UNC5D: variants seen among roughly 807,000 people sequenced by gnomAD.
The protein encoded by UNC5D is netrin receptor UNC5D.
In UNC5D, 39 loss-of-function variants were observed where a neutral mutation model predicts 105.4. The ratio of observed to expected loss-of-function variants is 0.37; its 90% CI spans 0.29 to 0.48. The LOEUF (loss-of-function observed/expected upper bound fraction) is 0.48. UNC5D is among the 20% of genes least tolerant of loss of function. The pLI, the probability that UNC5D is intolerant of heterozygous loss-of-function variation, is 0.98. For missense variants in UNC5D, 991 were observed against 1,202.4 expected, an observed-to-expected ratio of 0.82 and a Z score of 2.60; for synonymous variants, 452 against 450.4, an observed-to-expected ratio of 1.00 and a Z score of -0.04.
rs1177478314 is a variant in UNC5D at position 35,722,497 on chromosome 8, G to T, written c.1303+102G>T. On this transcript the variant is annotated intron_variant, in intron 9 of 16. Coordinates refer to ENST00000404895, the MANE Select transcript of UNC5D (RefSeq NM_080872.4). ...GGGCCCTGTGTGAAGGTAGCTCTTGGCACTGGGAGCCGCTACCAAATTGTC... is the reference window on the plus strand; with the variant it reads ...GGGCCCTGTGTGAAGGTAGCTCTTGTCACTGGGAGCCGCTACCAAATTGTC... 3 of 1,417,630 alleles carry T rather than the reference G, an allele frequency of 2.1e-6. No individual in the cohort carries two copies. In the Admixed American group the frequency reaches 7.7e-5, roughly 37 times the overall value. The allele number at this position is 1,417,630 out of a possible 1,614,324, so 87.8% of individuals were successfully genotyped here.
chr8:35,539,751 AT>A (rs1439525882), intron 1 of UNC5D, among the ~76,000 whole-genome samples: 1 of 152,232 alleles, frequency 6.6e-6, no homozygotes, highest in African/African-American at 2.4e-5. Flanking sequence ...ATTTTGAGAT[AT>A]GCAGCTAAGT....
chr8:35,623,902 A>C (rs1821523882), intron 4 of UNC5D, among the ~76,000 whole-genome samples: 1 of 152,048 alleles, frequency 6.6e-6, no homozygotes, highest in South Asian at 2.1e-4. Context: ...AACACGGTGA[A>C]ACCCCGTCTC....
rs1810349168 is a variant in UNC5D at position 35,479,689 on chromosome 8, T to C, written c.104-69603T>C. ...CATTTTAAGTGAACTAATATAGGAA[T>C]AGAAAACAAAATACCATTTTTCCTC... On this transcript the variant is annotated intron_variant, in intron 1 of 16. Coordinates refer to ENST00000404895, the MANE Select transcript of UNC5D (RefSeq NM_080872.4). 2.0e-5 allele frequency among the ~76,000 whole-genome samples: 3 copies of C among 152,232 alleles called. No individual in the cohort carries two copies. In the South Asian group the frequency reaches 6.2e-4, roughly 32 times the overall value.
At chr8:35,611,897 G>T (rs1734848580) in intron 4 of UNC5D, among the ~76,000 whole-genome samples, 2 of 152,108 alleles carry the variant, frequency 1.3e-5, no homozygotes, top group Admixed American at 6.6e-5. Flanking sequence ...ACATTTTAAT[G>T]GTTTTCCACA....
rs200953326 is a variant in UNC5D at position 35,778,830 on chromosome 8, C to T, written c.2657+4353C>T. Among the ~76,000 whole-genome samples the T allele has an allele frequency of 3.3e-4, 50 of 152,238 alleles. No homozygotes were observed. The East Asian group carries it at 9.5e-3, about 29-fold the overall frequency. On this transcript the variant is annotated intron_variant, in intron 16 of 16. Coordinates refer to ENST00000404895, the MANE Select transcript of UNC5D (RefSeq NM_080872.4). ...GCAAATGTCACTGATGATAATATGCCTTTTTGCCAATCAAGTTTCTACTTA... is the reference window on the plus strand; with the variant it reads ...GCAAATGTCACTGATGATAATATGCTTTTTTGCCAATCAAGTTTCTACTTA...
intron 14 of UNC5D, among the ~76,000 whole-genome samples, chr8:35,764,232 A>G (rs1801667516): frequency 6.6e-6 from 1 of 152,182 alleles, no homozygotes; most frequent in African/African-American, 2.4e-5. Flanking sequence ...TTTGCCAGAG[A>G]AGTAAAGACC....
At chr8:35,250,823 TC>T (rs1563250320) in intron 1 of UNC5D, among the ~76,000 whole-genome samples, 1 of 151,932 alleles carries the variant, frequency 6.6e-6, no homozygotes, top group Non-Finnish European at 1.5e-5. Flanking sequence ...CATCCCTCCT[TC>T]CCCCACTCTA....
chr8:35,325,506 A>C (rs1350962142), intron 1 of UNC5D, among the ~76,000 whole-genome samples: 1 of 152,178 alleles, frequency 6.6e-6, no homozygotes, highest in African/African-American at 2.4e-5. Flanking sequence ...TGTGTTAATG[A>C]TCAGCTGTTG....
chr8:35,726,531 T>C lies in UNC5D; in HGVS notation c.1681+2T>C, dbSNP rs1407208183. On this transcript the variant is annotated splice_donor_variant, in intron 10 of 16. Coordinates refer to ENST00000404895, the MANE Select transcript of UNC5D (RefSeq NM_080872.4). LOFTEE classifies it high-confidence loss of function. ...GGCGCTTAGTAATGCCAAATACAGG[T>C]GGGTGGTAAGTGTGTGTTTGTGTAT... 6.2e-7 allele frequency: 1 copy of C among 1,610,732 alleles called. No homozygotes were observed.
chr8:35,543,573 T>G (rs1815423520), intron 1 of UNC5D, among the ~76,000 whole-genome samples: 1 of 152,240 alleles, frequency 6.6e-6, no homozygotes, highest in Non-Finnish European at 1.5e-5. Context: ...TTTTAGTTGT[T>G]AAATATTCCT....
intron 14 of UNC5D, among the ~76,000 whole-genome samples, chr8:35,763,476 A>G (rs1043044681): frequency 6.8e-6 from 1 of 147,296 alleles, no homozygotes; most frequent in Non-Finnish European, 1.5e-5. Flanking sequence ...GAAGGCAAGC[A>G]TTACCAAAGA....
At chr8:35,359,933 A>G (rs893732293) in intron 1 of UNC5D, among the ~76,000 whole-genome samples, 2 of 152,198 alleles carry the variant, frequency 1.3e-5, no homozygotes, top group African/African-American at 4.8e-5. Flanking sequence ...CATTCTGACA[A>G]TGGAAATAAT....
intron 1 of UNC5D, among the ~76,000 whole-genome samples, chr8:35,379,471 A>G (rs1422335332): frequency 2.0e-5 from 3 of 152,134 alleles, no homozygotes; most frequent in Non-Finnish European, 2.9e-5. Context: ...TGATTCTACC[A>G]TATCTAGAGA....
At chr8:35,688,345 G>C (rs1826165101) in intron 7 of UNC5D, among the ~76,000 whole-genome samples, 1 of 152,038 alleles carries the variant, frequency 6.6e-6, no homozygotes, top group Non-Finnish European at 1.5e-5. Flanking sequence ...AAATATCTAA[G>C]TTGGGTTTAT....
chr8:35,280,874 T>C (rs942272928), intron 1 of UNC5D, among the ~76,000 whole-genome samples: 7 of 152,226 alleles, frequency 4.6e-5, no homozygotes, highest in Non-Finnish European at 8.8e-5. Context: ...ATTCTAATGA[T>C]GTCTCTCCCA....
At chr8:35,308,409 C>T (rs914259570) in intron 1 of UNC5D, among the ~76,000 whole-genome samples, 1 of 152,118 alleles carries the variant, frequency 6.6e-6, no homozygotes, top group Non-Finnish European at 1.5e-5. Flanking sequence ...CCTGGGTTAA[C>T]CACTACCCCA....
At chr8:35,776,926 C>T (rs545223621) in intron 16 of UNC5D, among the ~76,000 whole-genome samples, 2 of 152,232 alleles carry the variant, frequency 1.3e-5, no homozygotes, top group East Asian at 1.9e-4. Flanking sequence ...AGTTCAAGAC[C>T]GGCCTGCACT....
intron 4 of UNC5D, among the ~76,000 whole-genome samples, chr8:35,675,981 G>A (rs934711577): frequency 2.0e-5 from 3 of 151,626 alleles, no homozygotes; most frequent in Non-Finnish European, 2.9e-5. Flanking sequence ...ATATTCATAT[G>A]TTAAGCCAGG....
chr8:35,674,007 C>T (rs1825023784), intron 4 of UNC5D, among the ~76,000 whole-genome samples: 1 of 152,098 alleles, frequency 6.6e-6, no homozygotes, highest in Admixed American at 6.6e-5. Flanking sequence ...AGTTACTGAG[C>T]TTGAGTAAGT....
Sources: gnomAD v4.1 joint callset for allele counts (sites outside exome capture counted in the v4.1 genomes callset) on GRCh38, gnomAD v4.1.1 for gene constraint, MANE v1.5 for transcripts, NCBI Gene and HGNC (gene_info 2026-07-23, HGNC 2026-07-21) for gene names.